Variants in SPAG16 observed in about 807,000 individuals in gnomAD.
SPAG16 encodes the protein sperm associated antigen 16, also known as sperm-associated antigen 16 protein.
In SPAG16, 86 loss-of-function variants were observed where a neutral mutation model predicts 80.4. The ratio of observed to expected loss-of-function variants is 1.07; its 90% CI spans 0.90 to 1.28. The LOEUF (loss-of-function observed/expected upper bound fraction) is 1.28. Among genes scored for constraint, SPAG16 ranks in the 50% most tolerant of loss-of-function variants. The pLI, the probability that SPAG16 is intolerant of heterozygous loss-of-function variation, is 0.00. For missense variants in SPAG16, 870 were observed against 765.3 expected (o/e 1.14, Z -1.61); for synonymous variants, 294 against 265.9 (o/e 1.11, Z -1.03).
At position 213,361,789 on chromosome 2, in the gene SPAG16, CCACACACACACACACA is replaced by C. The variant is rs10585217; in HGVS notation, c.763-2262_763-2247del. ...GATTTGGATATTCAGACTGATAATG[CCACACACACACACACA>C]CACACACACACACACACACACACAG... On this transcript the variant is annotated intron_variant, in intron 7 of 15. Coordinates refer to ENST00000331683, the MANE Select transcript of SPAG16 (RefSeq NM_024532.5). Among the ~76,000 whole-genome samples, 109 of 140,108 alleles carry C rather than the reference CCACACACACACACACA, an allele frequency of 7.8e-4. 1 individual carries two copies. The highest frequency in any genetic ancestry group is 1.6e-3 in the South Asian group (7 of 4,320). 91.9% of individuals were successfully genotyped at this position (140,108 alleles called of 152,430 possible).
chr2:214,050,102 A>G (rs957530626), intron 13 of SPAG16, among the ~76,000 whole-genome samples: 2 of 152,122 alleles, frequency 1.3e-5, no homozygotes, highest in African/African-American at 4.8e-5. Flanking sequence ...AAGAATACCC[A>G]TGAGTGAGCT....
rs193076423 is a variant in SPAG16, at chr2:213,498,874, C to T, written c.1070+8784C>T. 2.3e-4 allele frequency among the ~76,000 whole-genome samples: 35 copies of T among 152,204 alleles called. 1 individual carries two copies. The East Asian group carries it at 6.2e-3, about 27-fold the overall frequency. Reference sequence around the variant, plus strand: ...GTCCAAAATGAGTTGTTCAGTCATTCACGTCTGTCAAAGACCATCATCTGT... The same window carrying T: ...GTCCAAAATGAGTTGTTCAGTCATTTACGTCTGTCAAAGACCATCATCTGT... On this transcript the variant is annotated intron_variant, in intron 10 of 15. Transcript: ENST00000331683.
At chr2:213,323,751 TAAAA>T (rs1031208148) in intron 5 of SPAG16, among the ~76,000 whole-genome samples, 1 of 151,772 alleles carries the variant, frequency 6.6e-6, no homozygotes, top group African/African-American at 2.4e-5. Flanking sequence ...GATGAATGGG[TAAAA>T]AAAATATGGT....
chr2:214,127,733 C>T (rs537561224), intron 14 of SPAG16, among the ~76,000 whole-genome samples: 51 of 152,020 alleles, frequency 3.4e-4, no homozygotes, highest in African/African-American at 1.2e-3. Flanking sequence ...CAGTCCTGTC[C>T]TCTTCCTCAC....
At chr2:213,948,258 T>C (rs2079558465) in intron 12 of SPAG16, among the ~76,000 whole-genome samples, 1 of 152,160 alleles carries the variant, frequency 6.6e-6, no homozygotes. Flanking sequence ...ACTGTGAGTT[T>C]TTATGACCTT....
At chr2:213,404,783 G>A (rs1281292835) in intron 9 of SPAG16, among the ~76,000 whole-genome samples, 1 of 151,994 alleles carries the variant, frequency 6.6e-6, no homozygotes, top group Non-Finnish European at 1.5e-5. Context: ...CAAATGCTTT[G>A]TATTTTTCTA....
chr2:213,652,149 T>C (rs941779950), intron 10 of SPAG16, among the ~76,000 whole-genome samples: 2 of 152,216 alleles, frequency 1.3e-5, no homozygotes, highest in African/African-American at 4.8e-5. Flanking sequence ...ACCCCAGGTA[T>C]ACTACTTAAC....
chr2:213,843,254 C>A (rs756414290), intron 10 of SPAG16, among the ~76,000 whole-genome samples: 3 of 151,938 alleles, frequency 2.0e-5, no homozygotes, highest in African/African-American at 7.3e-5. Context: ...TAAGCAGTAC[C>A]AGAGGAATGC....
intron 10 of SPAG16, among the ~76,000 whole-genome samples, chr2:213,516,801 A>G (rs891116290): frequency 6.6e-5 from 10 of 152,218 alleles, no homozygotes; most frequent in Non-Finnish European, 1.3e-4. Flanking sequence ...ATATTTGATG[A>G]GAAATACTTT....
intron 8 of SPAG16, among the ~76,000 whole-genome samples, chr2:213,370,793 T>C (rs2066588559): frequency 6.6e-6 from 1 of 152,230 alleles, no homozygotes; most frequent in Non-Finnish European, 1.5e-5. Flanking sequence ...CATGTTTTTC[T>C]TGAGTGATGT....
intron 10 of SPAG16, among the ~76,000 whole-genome samples, chr2:213,856,310 G>A (rs576621578): frequency 2.4e-4 from 36 of 152,296 alleles, no homozygotes; most frequent in African/African-American, 7.2e-4. Flanking sequence ...CTGTGGCTTT[G>A]CAGGATACAG....
intron 13 of SPAG16, among the ~76,000 whole-genome samples, chr2:214,084,122 C>T (rs1375065355): frequency 6.6e-6 from 1 of 152,142 alleles, no homozygotes; most frequent in Non-Finnish European, 1.5e-5. Context: ...TCTTCCTTTA[C>T]ATGCCTCCCT....
At chr2:213,863,920 G>A (rs994751897) in intron 11 of SPAG16, among the ~76,000 whole-genome samples, 4 of 151,994 alleles carry the variant, frequency 2.6e-5, no homozygotes, top group African/African-American at 9.7e-5. Context: ...CTTTCTTACG[G>A]CAGAATTGTA....
rs1375500583 is a variant in SPAG16, at chr2:213,781,034, T to C, written c.1071-81451T>C. Reference sequence around the variant, plus strand: ...TCAGAAAAAGCCCTGAAAAATAATATAGGCTTTTACAAAATTGCCTTCTGA... The same window carrying C: ...TCAGAAAAAGCCCTGAAAAATAATACAGGCTTTTACAAAATTGCCTTCTGA... On this transcript the variant is annotated intron_variant, in intron 10 of 15. Transcript: ENST00000331683. 2.0e-5 allele frequency among the ~76,000 whole-genome samples: 3 copies of C among 152,160 alleles called. No individual in the cohort carries two copies. The South Asian group carries it at 6.2e-4, about 32-fold the overall frequency.
chr2:213,835,063 G>A (rs2073999613), intron 10 of SPAG16, among the ~76,000 whole-genome samples: 1 of 152,030 alleles, frequency 6.6e-6, no homozygotes, highest in African/African-American at 2.4e-5. Flanking sequence ...AGAATATTTG[G>A]GGGAGTTTCT....
intron 13 of SPAG16, among the ~76,000 whole-genome samples, chr2:214,107,153 AC>A (rs1298974521): frequency 3.3e-5 from 5 of 151,738 alleles, no homozygotes; most frequent in Non-Finnish European, 2.9e-5. Context: ...ACTATTACTA[AC>A]CCTGCCTGAC....
At chr2:213,572,972 C>T (rs1042772370) in intron 10 of SPAG16, among the ~76,000 whole-genome samples, 5 of 152,176 alleles carry the variant, frequency 3.3e-5, no homozygotes, top group African/African-American at 4.8e-5. Context: ...CTGAAAAGCG[C>T]AATATTCGGG....
chr2:213,686,590 A>G (rs931098622), intron 10 of SPAG16, among the ~76,000 whole-genome samples: 2 of 150,022 alleles, frequency 1.3e-5, no homozygotes, highest in African/African-American at 4.9e-5. Flanking sequence ...TTCTTGTTTA[A>G]TTTGATAATG....
At position 213,364,527 on chromosome 2, in the gene SPAG16, A is replaced by ATAAGG. The variant is rs2066174148; in HGVS notation, c.832+383_832+384insAAGGT. ...TTATAAGGTGAGCTCTGCCATCACC[A>ATAAGG]TGGCTTTGGGTCTGTGGAAAGTTCC... On this transcript the variant is annotated intron_variant, in intron 8 of 15. Coordinates refer to ENST00000331683, the MANE Select transcript of SPAG16 (RefSeq NM_024532.5). 5.8e-5 allele frequency: 9 copies of ATAAGG among 155,198 alleles called. No individual in the cohort carries two copies. The Middle Eastern group carries it at 1.7e-3, about 29-fold the overall frequency. 9.6% of individuals were successfully genotyped at this position (155,198 alleles called of 1,614,324 possible).
Sources: allele counts gnomAD v4.1 joint callset (sites outside exome capture counted in the v4.1 genomes callset), GRCh38; gene constraint gnomAD v4.1.1; transcripts MANE v1.5; gene names NCBI Gene and HGNC (gene_info 2026-07-23, HGNC 2026-07-21).